HK1: variants seen among roughly 807,000 people sequenced by gnomAD.
The protein encoded by HK1 is hexokinase 1.
HK1 carries 28 observed loss-of-function variants against 91.6 expected under a neutral mutation model. That is an observed-to-expected ratio of 0.31 (90% CI 0.23 to 0.42). The LOEUF (loss-of-function observed/expected upper bound fraction) is 0.42, where lower values mean the gene tolerates loss of function less well. Among genes scored for constraint, HK1 ranks in the 10% least tolerant of loss-of-function variants. The pLI is 1.00. For synonymous variants in HK1, 430 were observed against 468.1 expected, an observed-to-expected ratio of 0.92 and a Z score of 1.05; for missense variants, 770 against 1,219.8, an observed-to-expected ratio of 0.63 and a Z score of 5.49.
chr10:69,270,092 A>G (rs1162633461), exon 1 of HK1: 1 of 152,272 alleles, frequency 6.6e-6, no homozygotes, highest in Non-Finnish European at 1.5e-5. Flanking sequence ...AGGCAAGACC[A>G]GCAACCATGC....
At position 69,320,515 on chromosome 10, in the gene HK1, A is replaced by G. The variant is rs567555165; in HGVS notation, c.63+1505A>G. Among the ~76,000 whole-genome samples, 10 of 152,146 alleles carry G rather than the reference A, an allele frequency of 6.6e-5. No individual in the cohort carries two copies. In the East Asian group the frequency reaches 1.9e-3, roughly 29 times the overall value. ...GGGAGCTGTGCGTGCGGGTGTGTGC[A>G]TTTCATGAGTTTTCTCTAGTGGTGT... On this transcript the variant is annotated intron_variant, in intron 1 of 17. Coordinates refer to ENST00000359426, the MANE Select transcript of HK1 (RefSeq NM_000188.3).
At chr10:69,309,283 G>A (rs1459077578) in intron 5 of HK1, among the ~76,000 whole-genome samples, 2 of 150,298 alleles carry the variant, frequency 1.3e-5, no homozygotes, top group South Asian at 2.1e-4. Flanking sequence ...CTGGGTTCAC[G>A]CCATTCTCCT....
intron 1 of HK1, chr10:69,338,416 C>T (rs1231138653): frequency 4.9e-6 from 6 of 1,232,288 alleles, no homozygotes; most frequent in African/African-American, 4.6e-5. Context: ...CCCACATATT[C>T]GTCTCAGACA....
At position 69,380,595 on chromosome 10, in the gene HK1, C is replaced by T. The variant is rs1259510542; in HGVS notation, c.1265+500C>T. On this transcript the variant is annotated intron_variant, in intron 9 of 17. Coordinates refer to ENST00000359426, the MANE Select transcript of HK1 (RefSeq NM_000188.3). This position sits in a 1 kb window ranked among gnomAD's most constrained non-coding sequence, Gnocchi z 4.0. ...GTTTCAGAAGCTCCTGTTAAAACCCCCCAAACCCTCAGACTTTACTTTTTT... is the reference window on the plus strand; with the variant it reads ...GTTTCAGAAGCTCCTGTTAAAACCCTCCAAACCCTCAGACTTTACTTTTTT... Among the ~76,000 whole-genome samples the T allele has an allele frequency of 1.3e-5, 2 of 152,136 alleles. No individual in the cohort carries two copies. Among genetic ancestry groups the T allele is most frequent in the Non-Finnish European group, 2.9e-5 (2 of 68,030 alleles).
chr10:69,318,848 A>AGGAGGAGCCGC lies in HK1; in HGVS notation c.-99_-89dup. 1 of 1,486,740 alleles carries AGGAGGAGCCGC rather than the reference A, an allele frequency of 6.7e-7. No homozygotes were observed. 92.1% of individuals were successfully genotyped at this position (1,486,740 alleles called of 1,614,324 possible). A position where few individuals can be genotyped will look rare whatever the true frequency, so the allele number is the denominator to read the frequency against. Reference sequence around the variant, plus strand: ...GGGGAGGAGCCGGGGGAGGAGGAGGAGGAGGAGCCGCCGAGCAGCCGCCGG... The same window carrying AGGAGGAGCCGC: ...GGGGAGGAGCCGGGGGAGGAGGAGGAGGAGGAGCCGCGGAGGAGCCGCCGAGCAGCCGCCGG... On this transcript the variant is annotated 5_prime_UTR_variant, in exon 1 of 18. Transcript: ENST00000359426.
intron 1 of HK1, among the ~76,000 whole-genome samples, chr10:69,274,547 G>A (rs148026173): frequency 1.8e-3 from 266 of 150,296 alleles, no homozygotes; most frequent in African/African-American, 6.2e-3. Context: ...GCTGCGAGCC[G>A]AGATGGCACT....
intron 7 of HK1, among the ~76,000 whole-genome samples, chr10:69,373,859 G>T (rs1231349282): frequency 6.6e-6 from 1 of 152,158 alleles, no homozygotes; most frequent in African/African-American, 2.4e-5. Context: ...CAGAGTGCTG[G>T]CATTACAGGT....
rs146988294 is a variant in HK1 at position 69,306,739 on chromosome 10, T to C, written c.27+5878T>C. Among the ~76,000 whole-genome samples, 636 of 152,308 alleles carry C rather than the reference T, an allele frequency of 4.2e-3. 5 individuals carry two copies. Among genetic ancestry groups the C allele is most frequent in the Middle Eastern group, 0.01 (3 of 294 alleles). On this transcript the variant is annotated intron_variant, in intron 5 of 21. Transcript: ENST00000360289. ...GTCAGTGTACATTGTTTGGGTGAAA[T>C]TCAACAGAATTCTGTTTTAGGGTAA... is the stretch of plus-strand genomic sequence containing the variant.
rs765224406 is a variant in HK1 at position 69,384,672 on chromosome 10, C to A, written c.1720-124C>A. On this transcript the variant is annotated intron_variant, in intron 11 of 17. Transcript: ENST00000359426. ...GCTGAGAAGATTCTGGAAAAGGAGGCTCACTCTGCATGTGTGTGGGGTGTG... is the reference window on the plus strand; with the variant it reads ...GCTGAGAAGATTCTGGAAAAGGAGGATCACTCTGCATGTGTGTGGGGTGTG... 828 of 1,449,046 alleles carry A rather than the reference C, an allele frequency of 5.7e-4. 2 individuals carry two copies. The highest frequency in any genetic ancestry group is 5.9e-4 in the Non-Finnish European group (607 of 1,032,386). 89.8% of individuals were successfully genotyped at this position (1,449,046 alleles called of 1,614,324 possible).
chr10:69,297,928 G>A (rs905042941), intron 4 of HK1, among the ~76,000 whole-genome samples: 35 of 147,042 alleles, frequency 2.4e-4, no homozygotes, highest in Non-Finnish European at 3.3e-4. Flanking sequence ...GTGCTTGGTC[G>A]GGCCAGGTGC....
intron 1 of HK1, among the ~76,000 whole-genome samples, chr10:69,325,692 A>G (rs1847318021): frequency 6.6e-6 from 1 of 150,542 alleles, no homozygotes; most frequent in African/African-American, 2.5e-5. Flanking sequence ...GCCTGCCACC[A>G]TGCCCGGCTA....
chr10:69,354,411 G>A (rs1849030157), intron 2 of HK1, among the ~76,000 whole-genome samples: 1 of 152,172 alleles, frequency 6.6e-6, no homozygotes. Context: ...AAGGAGAAAA[G>A]GCATCTTCCT....
chr10:69,377,107 A>G lies in HK1; in HGVS notation c.1031+18A>G, dbSNP rs2132855791. On this transcript the variant is annotated intron_variant, in intron 8 of 17. Transcript: ENST00000359426. ...ATCGAAAAGTAGGTACCATCCCCTC[A>G]AGGCTTTCTTGGGGTGTTGGGGCAG... is the stretch of plus-strand genomic sequence containing the variant. 1.9e-6 allele frequency: 3 copies of G among 1,614,002 alleles called. No individual in the cohort carries two copies. Among genetic ancestry groups the G allele is most frequent in the Non-Finnish European group, 2.5e-6 (3 of 1,179,944 alleles).
chr10:69,391,108 A>G (rs1007492099), intron 14 of HK1, among the ~76,000 whole-genome samples: 38 of 152,352 alleles, frequency 2.5e-4, no homozygotes, highest in Non-Finnish European at 4.9e-4. Flanking sequence ...GCCCCTGGCA[A>G]GCATATGTCA....
chr10:69,350,362 C>T (rs957667616), intron 2 of HK1, among the ~76,000 whole-genome samples: 1 of 152,178 alleles, frequency 6.6e-6, no homozygotes, highest in Non-Finnish European at 1.5e-5. Flanking sequence ...ATCTTGTTGT[C>T]CTTAACAGAC....
chr10:69,383,487 G>C (rs1327262485), intron 10 of HK1, among the ~76,000 whole-genome samples: 1 of 152,254 alleles, frequency 6.6e-6, no homozygotes, highest in African/African-American at 2.4e-5. Flanking sequence ...TGTGTCCTAT[G>C]TGTAAGTTAC....
intron 1 of HK1, chr10:69,338,243 T>C (rs1848099618): frequency 1.1e-5 from 13 of 1,131,168 alleles, no homozygotes; most frequent in Non-Finnish European, 1.3e-5. Flanking sequence ...GCTACCCTCA[T>C]AGGAAGGGCT....
chr10:69,382,604 C>T lies in HK1; in HGVS notation c.1383C>T (p.Tyr461=). The change falls in exon 10 of 18, where the codon TAC becomes TAT. Residue 461 remains tyrosine, a synonymous_variant. Coordinates refer to ENST00000359426, the MANE Select transcript of HK1 (RefSeq NM_000188.3). ...CTGCCATGGTGACGGCGGTGGCCTA[C>T]CGCTTGGCCGAGCAGCACCGGCAGA... The part of the protein sequence containing the change: ...KGAAMVTAVA[Y]RLAEQHRQIE... The T allele has an allele frequency of 6.2e-7, 1 of 1,614,176 alleles. No homozygotes were observed. The highest frequency in any genetic ancestry group is 1.1e-5 in the South Asian group (1 of 91,082).
chr10:69,340,580 G>A (rs1848238630), intron 1 of HK1, among the ~76,000 whole-genome samples: 1 of 152,130 alleles, frequency 6.6e-6, no homozygotes, highest in South Asian at 2.1e-4. Context: ...TATTTTAGAG[G>A]TGCGATATCA....
Sources: allele counts gnomAD v4.1 joint callset (sites outside exome capture counted in the v4.1 genomes callset), GRCh38; gene constraint gnomAD v4.1.1; non-coding constraint Gnocchi (gnomAD v3.1); transcripts MANE v1.5; gene names NCBI Gene and HGNC (gene_info 2026-07-23, HGNC 2026-07-21).